Variants in PCDH9 observed in about 807,000 individuals in gnomAD.
PCDH9 encodes the protein protocadherin-9.
PCDH9 carries 24 observed loss-of-function variants against 70.6 expected under a neutral mutation model. The ratio of observed to expected loss-of-function variants is 0.34; its 90% CI spans 0.25 to 0.48. PCDH9 has a LOEUF of 0.48. Ranked by LOEUF, PCDH9 falls within the 20% of genes least tolerant of loss-of-function variation. The pLI is 0.99. For missense variants in PCDH9, 1,281 were observed against 1,503.6 expected, an observed-to-expected ratio of 0.85 and a Z score of 2.45; for synonymous variants, 562 against 558.5, an observed-to-expected ratio of 1.01 and a Z score of -0.09.
At chr13:66,490,270 T>G (rs1959012518) in intron 4 of PCDH9, among the ~76,000 whole-genome samples, 1 of 152,216 alleles carries the variant, frequency 6.6e-6, no homozygotes, top group Admixed American at 6.5e-5. Flanking sequence ...TCCTGAGTTC[T>G]TCAGAGTTTT....
chr13:66,405,413 T>C (rs190250294), intron 4 of PCDH9, among the ~76,000 whole-genome samples: 117 of 152,312 alleles, frequency 7.7e-4, no homozygotes, highest in African/African-American at 2.7e-3. Context: ...GAACAAACCA[T>C]TTTTCATAGC....
At chr13:66,704,791 T>A (rs1301209846) in intron 3 of PCDH9, among the ~76,000 whole-genome samples, 1 of 152,126 alleles carries the variant, frequency 6.6e-6, no homozygotes, top group Non-Finnish European at 1.5e-5. Flanking sequence ...ATTTGGAAAA[T>A]GCAAGTGGTG....
intron 3 of PCDH9, among the ~76,000 whole-genome samples, chr13:66,672,704 T>C (rs547699904): frequency 2.0e-5 from 3 of 152,208 alleles, no homozygotes; most frequent in Non-Finnish European, 4.4e-5. Flanking sequence ...CCCAAGACCA[T>C]GGGAACCCAC....
intron 4 of PCDH9, among the ~76,000 whole-genome samples, chr13:66,621,961 C>T (rs905240291): frequency 7.2e-5 from 11 of 152,228 alleles, no homozygotes; most frequent in South Asian, 2.1e-4. Context: ...GAAGCGCCAG[C>T]GGGAACCGGG....
At chr13:66,828,564 C>T (rs1037402164) in intron 3 of PCDH9, among the ~76,000 whole-genome samples, 9 of 152,174 alleles carry the variant, frequency 5.9e-5, no homozygotes, top group African/African-American at 1.7e-4. Flanking sequence ...TGGAAAAGCA[C>T]TGTTTTTTAA....
intron 3 of PCDH9, among the ~76,000 whole-genome samples, chr13:66,737,595 T>C (rs11148714): frequency 0.28 from 42,523 of 151,990 alleles, 6,465 homozygotes; most frequent in East Asian, 0.44. Flanking sequence ...CGGGTTCATC[T>C]CACTAGGGAG....
intron 2 of PCDH9, among the ~76,000 whole-genome samples, chr13:67,018,443 A>AC (rs2084606531): frequency 1.3e-5 from 2 of 152,020 alleles, no homozygotes; most frequent in African/African-American, 2.4e-5. Context: ...ACATAGTGAA[A>AC]CCCCGTCTCT....
Position 66,304,887 on chromosome 13 carries a change from A to C in PCDH9, c.3482T>G (p.Phe1161Cys), listed in dbSNP as rs776146493. Residue 1161 changes from phenylalanine (F) to cysteine (C), a missense_variant, in exon 5 of 5, where the codon TTT (phenylalanine) becomes TGT (cysteine). Around this residue, in one of 4 missense-constraint regions of PCDH9, gnomAD observed 264 missense variants for 278.8 expected, o/e 0.95. Coordinates refer to ENST00000377865, the MANE Select transcript of PCDH9 (RefSeq NM_203487.3). ...YQHPKSPLSTFAPQKEWVKKD... is the reference protein window; with the variant it reads ...YQHPKSPLSTCAPQKEWVKKD... ...CTTCACCCATTCTTTCTGGGGTGCAAAGGTTGAGAGAGGAGATTTGGGGTG... is the reference window on the plus strand; with the variant it reads ...CTTCACCCATTCTTTCTGGGGTGCACAGGTTGAGAGAGGAGATTTGGGGTG... The C allele has an allele frequency of 8.7e-6, 14 of 1,613,346 alleles. No individual in the cohort carries two copies. Among genetic ancestry groups the C allele is most frequent in the Middle Eastern group, 3.3e-4 (2 of 6,080 alleles).
chr13:66,514,909 A>G (rs1205729178), intron 4 of PCDH9, among the ~76,000 whole-genome samples: 1 of 151,636 alleles, frequency 6.6e-6, no homozygotes, highest in African/African-American at 2.4e-5. Context: ...CATTTCATAC[A>G]GAGACATTTG....
At chr13:66,839,974 A>C (rs2081088118) in intron 3 of PCDH9, among the ~76,000 whole-genome samples, 1 of 152,168 alleles carries the variant, frequency 6.6e-6, no homozygotes, top group Non-Finnish European at 1.5e-5. Flanking sequence ...TGACTTCATG[A>C]GACTTTTGCC....
chr13:66,549,538 T>A (rs9529090), intron 4 of PCDH9, among the ~76,000 whole-genome samples: 61,089 of 151,702 alleles, frequency 0.4, 12,945 homozygotes, highest in Middle Eastern at 0.52. Flanking sequence ...TATTTTTTTT[T>A]AAAAAAAGGT....
chr13:66,304,576 T>C lies in PCDH9; in HGVS notation c.*79A>G, dbSNP rs1467830194. On this transcript the variant is annotated 3_prime_UTR_variant, in exon 5 of 5. Transcript: ENST00000377865. ...GCTAGAAGGGGCATAGTTGTAGAGA[T>C]CTATTGAATACATAAAGCTCTGACG... 1.1e-5 allele frequency: 12 copies of C among 1,094,942 alleles called. No individual in the cohort carries two copies. The South Asian group carries it at 1.7e-4, about 16-fold the overall frequency. 67.8% of individuals were successfully genotyped at this position (1,094,942 alleles called of 1,614,324 possible).
In PCDH9 at chr13:66,442,696, C is replaced by T. The variant is rs1032493017; in HGVS notation, c.3341-137668G>A. The stretch of plus-strand genomic sequence containing the variant: ...TTTTTCAGTCTTGTCTAAATTATTT[C>T]GGTGTGAACTTTAGCGATAATATTA... On this transcript the variant is annotated intron_variant, in intron 4 of 4. Transcript: ENST00000377865. Among the ~76,000 whole-genome samples, 11 of 151,618 alleles carry T rather than the reference C, an allele frequency of 7.3e-5. 1 individual carries two copies. Among genetic ancestry groups the T allele is most frequent in the Admixed American group, 3.3e-4 (5 of 15,212 alleles).
At chr13:66,451,827 T>C (rs1958218372) in intron 4 of PCDH9, among the ~76,000 whole-genome samples, 1 of 152,344 alleles carries the variant, frequency 6.6e-6, no homozygotes, top group East Asian at 1.9e-4. Flanking sequence ...TCCTGTGATA[T>C]TCCTTTTTCA....
chr13:66,509,840 C>T (rs1357324682), intron 4 of PCDH9, among the ~76,000 whole-genome samples: 1 of 152,138 alleles, frequency 6.6e-6, no homozygotes, highest in Non-Finnish European at 1.5e-5. Flanking sequence ...AGCCAAATGA[C>T]ATCTTTCTAA....
intron 2 of PCDH9, among the ~76,000 whole-genome samples, chr13:66,926,988 G>A (rs1172257860): frequency 2.0e-5 from 3 of 151,952 alleles, no homozygotes; most frequent in Admixed American, 6.6e-5. Flanking sequence ...AGAGATTTCC[G>A]GTCTCACTGT....
intron 2 of PCDH9, chr13:67,208,438 T>C (rs1391118709): frequency 6.6e-6 from 1 of 152,128 alleles, no homozygotes; most frequent in Non-Finnish European, 1.5e-5. Flanking sequence ...CAATGACATA[T>C]TAATGTCACT....
chr13:66,568,799 C>A (rs1447777318), intron 4 of PCDH9, among the ~76,000 whole-genome samples: 6 of 149,570 alleles, frequency 4.0e-5, no homozygotes, highest in African/African-American at 9.9e-5. Context: ...GCATCTTGAA[C>A]AACATTCAAA....
chr13:66,634,345 G>A (rs1382955928), intron 3 of PCDH9, among the ~76,000 whole-genome samples: 7 of 152,172 alleles, frequency 4.6e-5, no homozygotes, highest in African/African-American at 1.7e-4. Context: ...AATGATTGAT[G>A]CAAGTAAAAG....
Sources: allele counts gnomAD v4.1 joint callset (sites outside exome capture counted in the v4.1 genomes callset), GRCh38; gene constraint gnomAD v4.1.1; regional missense constraint gnomAD v4.1.1; transcripts MANE v1.5; gene names NCBI Gene and HGNC (gene_info 2026-07-23, HGNC 2026-07-21).